SPART: variants seen among roughly 807,000 people sequenced by gnomAD.
SPART encodes the protein spartin.
A neutral mutation model predicts 58.7 loss-of-function variants in SPART; 35 were observed. The observed-to-expected ratio is 0.60, with a 90% CI of 0.46 to 0.79. The LOEUF (loss-of-function observed/expected upper bound fraction) is 0.79, where lower values mean the gene tolerates loss of function less well. Among genes scored for constraint, SPART ranks in the 30% least tolerant of loss-of-function variants. SPART has a pLI of 0.00. For synonymous variants in SPART, 284 were observed against 280.7 expected (o/e 1.01, Z -0.12); for missense variants, 730 against 786.1 (o/e 0.93, Z 0.85).
At chr13:36,370,104 T>C (rs1412884692) in exon 1 of SPART, 1 of 152,230 alleles carries the variant, frequency 6.6e-6, no homozygotes. Flanking sequence ...AGCAATCCTT[T>C]TGGGGCAAAT....
At chr13:36,365,922 A>G (rs1353183043) in intron 1 of SPART, 1 of 193,650 alleles carries the variant, frequency 5.2e-6, no homozygotes, top group Non-Finnish European at 1.2e-5. Context: ...AACCCTCAAA[A>G]TGTCTTTACA....
chr13:36,304,483 T>G lies in SPART; in HGVS notation c.1883A>C (p.Tyr628Ser), dbSNP rs768206372. The G allele has an allele frequency of 3.1e-6, 5 of 1,614,056 alleles. No individual in the cohort carries two copies. Among genetic ancestry groups the G allele is most frequent in the Non-Finnish European group, 4.2e-6 (5 of 1,180,028 alleles). Residue 628 changes from tyrosine (Y) to serine (S), a missense_variant, in exon 9 of 9, where the codon TAT (tyrosine) becomes TCT (serine). Coordinates refer to ENST00000438666, the MANE Select transcript of SPART (RefSeq NM_015087.5). ...CCTCTGAGAATTATCAACTATCTGA[T>G]AGTCCTCAAGGAGAGTGTGTCCTGT... The part of the protein sequence containing the change: ...TQTGHTLLED[Y>S]QIVDNSQREN...
intron 1 of SPART, among the ~76,000 whole-genome samples, chr13:36,361,658 A>G (rs1056060691): frequency 1.3e-5 from 2 of 151,914 alleles, no homozygotes; most frequent in African/African-American, 4.8e-5. Context: ...TCTGCATCAG[A>G]CCCCCAAAGT....
chr13:36,326,457 C>A (rs1882941496), intron 5 of SPART, 118 bp downstream of exon 5: 1 of 1,266,134 alleles, frequency 7.9e-7, no homozygotes, highest in Non-Finnish European at 1.1e-6. Flanking sequence ...CTAAATTGAT[C>A]ATTTAAAACC....
chr13:36,359,011 C>A (rs373936789), intron 1 of SPART, among the ~76,000 whole-genome samples: 2 of 152,192 alleles, frequency 1.3e-5, no homozygotes, highest in African/African-American at 4.8e-5. Context: ...ACCTCCCACC[C>A]CCAATGAACA....
At chr13:36,323,727 G>A (rs752624107) in intron 5 of SPART, among the ~76,000 whole-genome samples, 14 of 151,962 alleles carry the variant, frequency 9.2e-5, no homozygotes, top group Non-Finnish European at 1.5e-4. Flanking sequence ...CGAACTACTC[G>A]TTCTACCTAT....
At chr13:36,335,888 T>C in intron 1 of SPART, 56 bp from the exon 2 acceptor site, 1 of 1,322,620 alleles carries the variant, frequency 7.6e-7, no homozygotes, top group Non-Finnish European at 1.1e-6. Context: ...TACTTATGAT[T>C]CGTATCTCCT....
chr13:36,368,442 C>T (rs1886150032), intron 1 of SPART: 1 of 156,068 alleles, frequency 6.4e-6, no homozygotes, highest in Admixed American at 6.5e-5. Flanking sequence ...ATTACCCCTC[C>T]TTATTAAAAA....
In SPART at chr13:36,335,475, G is replaced by A; in HGVS notation, c.356C>T (p.Pro119Leu). 1 of 1,614,104 alleles carries A rather than the reference G, an allele frequency of 6.2e-7. No homozygotes were observed. The highest frequency in any genetic ancestry group is 8.5e-7 in the Non-Finnish European group (1 of 1,180,006). The change falls in exon 2 of 9, where the codon CCT (proline) becomes CTT (leucine). Residue 119 changes from proline to leucine, a missense_variant. Physicochemically the swap from Pro to Leu is moderately conservative, Grantham distance 98. Coordinates refer to ENST00000438666, the MANE Select transcript of SPART (RefSeq NM_015087.5). ...TGGTAATTTTTCACACATGTCTTTAGGTGGAAATTCTGGATATAACTTGGG... is the reference window on the plus strand; with the variant it reads ...TGGTAATTTTTCACACATGTCTTTAAGTGGAAATTCTGGATATAACTTGGG... ...EVPKLYPEFP[P>L]KDMCEKLPEP...
At chr13:36,307,668 T>C (rs1243870206) in intron 8 of SPART, among the ~76,000 whole-genome samples, 1 of 152,126 alleles carries the variant, frequency 6.6e-6, no homozygotes, top group Non-Finnish European at 1.5e-5. Context: ...TGTAGAATGA[T>C]GAATTATTGA....
At chr13:36,305,962 G>A (rs1880468920) in intron 8 of SPART, among the ~76,000 whole-genome samples, 2 of 152,116 alleles carry the variant, frequency 1.3e-5, no homozygotes, top group South Asian at 2.1e-4. Context: ...TAAATAGCCT[G>A]GCCTAGAACA....
At chr13:36,317,975 T>C (rs1021556685) in intron 5 of SPART, among the ~76,000 whole-genome samples, 1 of 152,150 alleles carries the variant, frequency 6.6e-6, no homozygotes, top group African/African-American at 2.4e-5. Context: ...CATCAGTCCC[T>C]TCCTAGTCTG....
At chr13:36,330,424 T>C (rs1019240256) in intron 3 of SPART, among the ~76,000 whole-genome samples, 3 of 105,582 alleles carry the variant, frequency 2.8e-5, no homozygotes. Flanking sequence ...GATTTTATAT[T>C]TTCATACACA....
chr13:36,348,798 C>A (rs918739743), upstream of SPART, among the ~76,000 whole-genome samples: 3 of 152,138 alleles, frequency 2.0e-5, no homozygotes, highest in African/African-American at 7.2e-5. Flanking sequence ...GCAACACAAT[C>A]CGTGTCAAGA....
At chr13:36,309,479 C>T (rs1466733595) in intron 8 of SPART, among the ~76,000 whole-genome samples, 1 of 152,130 alleles carries the variant, frequency 6.6e-6, no homozygotes, top group Non-Finnish European at 1.5e-5. Flanking sequence ...GACATGGGAT[C>T]AACCTAGGTA....
At chr13:36,332,627 C>T (rs951067521) in intron 2 of SPART, among the ~76,000 whole-genome samples, 4 of 152,222 alleles carry the variant, frequency 2.6e-5, no homozygotes, top group African/African-American at 9.6e-5. Context: ...TATGGATTAT[C>T]TATCTATTGT....
At chr13:36,361,674 C>T (rs1351025896) in intron 1 of SPART, among the ~76,000 whole-genome samples, 2 of 152,072 alleles carry the variant, frequency 1.3e-5, no homozygotes, top group African/African-American at 4.8e-5. Context: ...AAAGTGCTTA[C>T]ACCACGCCTG....
At chr13:36,333,641 G>T (rs775883112) in intron 2 of SPART, among the ~76,000 whole-genome samples, 10 of 152,098 alleles carry the variant, frequency 6.6e-5, no homozygotes, top group Admixed American at 2.0e-4. Context: ...GGACAAATTT[G>T]TATTAAAGTA....
At chr13:36,309,153 A>G (rs983723537) in intron 8 of SPART, among the ~76,000 whole-genome samples, 1 of 151,728 alleles carries the variant, frequency 6.6e-6, no homozygotes, top group African/African-American at 2.4e-5. Flanking sequence ...CTGAGGCAGG[A>G]GAATGGTGTG....
Sources: allele counts gnomAD v4.1 joint callset (sites outside exome capture counted in the v4.1 genomes callset), GRCh38; gene constraint gnomAD v4.1.1; transcripts MANE v1.5; gene names NCBI Gene and HGNC (gene_info 2026-07-23, HGNC 2026-07-21).